The following MECOM variants were observed in gnomAD, a reference collection of about 807,000 sequenced individuals.
MECOM encodes histone-lysine N-methyltransferase MECOM.
A neutral mutation model predicts 116.3 loss-of-function variants in MECOM; 13 were observed. The ratio of observed to expected loss-of-function variants is 0.11; its 90% CI spans 0.07 to 0.18. The LOEUF is 0.18. Among genes scored for constraint, MECOM ranks in the 10% least tolerant of loss-of-function variants. The pLI is 1.00. For missense variants in MECOM, 1,299 were observed against 1,509.0 expected (o/e 0.86, Z 2.31); for synonymous variants, 528 against 535.2 (o/e 0.99, Z 0.19).
At chr3:169,252,579 T>C (rs979225829) in intron 2 of MECOM, among the ~76,000 whole-genome samples, 23 of 151,928 alleles carry the variant, frequency 1.5e-4, no homozygotes, top group African/African-American at 4.1e-4. Flanking sequence ...ATGTGACATC[T>C]ATTGAATTAA....
chr3:169,450,543 C>T (rs1452681631), intron 1 of MECOM, among the ~76,000 whole-genome samples: 1 of 151,454 alleles, frequency 6.6e-6, no homozygotes, highest in Non-Finnish European at 1.5e-5. Flanking sequence ...CTTTTCCACT[C>T]CCTCTAGACA....
chr3:169,361,319 T>A (rs1728269381), intron 2 of MECOM, among the ~76,000 whole-genome samples: 1 of 151,848 alleles, frequency 6.6e-6, no homozygotes, highest in African/African-American at 2.4e-5. Context: ...TTAGGTCTAG[T>A]GAAGGCCACT....
In MECOM at chr3:169,089,049, T is replaced by C. The variant is rs1316161714; in HGVS notation, c.3536A>G (p.His1179Arg). 3 of 1,607,678 alleles carry C rather than the reference T, an allele frequency of 1.9e-6. No individual in the cohort carries two copies. Among genetic ancestry groups the C allele is most frequent in the Admixed American group, 1.7e-5 (1 of 58,612 alleles). The change falls in exon 16 of 17, where the codon CAT (histidine) becomes CGT (arginine). Residue 1179 changes from histidine (H) to arginine (R), a missense_variant. His to Arg is a conservative substitution (Grantham distance 29). Coordinates refer to ENST00000651503, the MANE Select transcript of MECOM (RefSeq NM_004991.4). Reference protein sequence around the residue: ...EAELSSFSTSHVPEELKQPLH... With the variant: ...EAELSSFSTSRVPEELKQPLH... The stretch of plus-strand genomic sequence containing the variant: ...CGGCTGCTTAAGTTCCTCTGGCACA[T>C]GGGAAGTACTAAAAGAAGACAGCTC...
rs553455764 is a variant in MECOM, at chr3:169,606,464, A to C, written c.37+56872T>G. 3.2e-4 allele frequency among the ~76,000 whole-genome samples: 49 copies of C among 152,262 alleles called. 1 individual carries two copies. The highest frequency in any genetic ancestry group is 1.2e-3 in the African/African-American group (48 of 41,556). ...GAAATTAAATGATACCCAGTGTTTT[A>C]AATGATAAACGTGTTGGTGTGCTTC... On this transcript the variant is annotated intron_variant, in intron 1 of 16. Coordinates refer to ENST00000651503, the MANE Select transcript of MECOM (RefSeq NM_004991.4).
intron 1 of MECOM, among the ~76,000 whole-genome samples, chr3:169,537,023 G>T (rs1272669030): frequency 6.6e-6 from 1 of 152,120 alleles, no homozygotes; most frequent in African/African-American, 2.4e-5. Context: ...TTCTAATCCA[G>T]ATCTTTGTAA....
intron 1 of MECOM, among the ~76,000 whole-genome samples, chr3:169,475,184 AG>A (rs1051068609): frequency 6.6e-6 from 1 of 152,238 alleles, no homozygotes; most frequent in Non-Finnish European, 1.5e-5. Flanking sequence ...ATAATTCTAT[AG>A]GGGAAAAAAG....
intron 1 of MECOM, among the ~76,000 whole-genome samples, chr3:169,405,779 A>G (rs1736603147): frequency 6.6e-6 from 1 of 152,230 alleles, no homozygotes; most frequent in African/African-American, 2.4e-5. Flanking sequence ...CTCAGTATCT[A>G]TTCACATGCA....
chr3:169,261,711 AAGAAGGAGAAGG>A (rs370712756), intron 2 of MECOM, among the ~76,000 whole-genome samples: 10 of 150,536 alleles, frequency 6.6e-5, no homozygotes, highest in Non-Finnish European at 1.0e-4. Context: ...CAAGAAGAAG[AAGAAGGAGAAGG>A]AGAAGGAGAA....
intron 2 of MECOM, among the ~76,000 whole-genome samples, chr3:169,218,352 G>T (rs1295152397): frequency 6.6e-6 from 1 of 152,308 alleles, no homozygotes; most frequent in Admixed American, 6.5e-5. Context: ...AAATCTGGAG[G>T]AAGGATGACA....
At chr3:169,140,251 T>G (rs1311471132) in intron 3 of MECOM, among the ~76,000 whole-genome samples, 2 of 152,044 alleles carry the variant, frequency 1.3e-5, no homozygotes, top group Non-Finnish European at 2.9e-5. Flanking sequence ...TCTGTCTCAG[T>G]AAAAATTTCC....
chr3:169,536,890 C>T (rs1485916540), intron 1 of MECOM, among the ~76,000 whole-genome samples: 1 of 152,134 alleles, frequency 6.6e-6, no homozygotes, highest in Non-Finnish European at 1.5e-5. Context: ...TCTCACAATC[C>T]TAAAAGTAAG....
intron 1 of MECOM, among the ~76,000 whole-genome samples, chr3:169,546,062 C>A (rs886402421): frequency 2.0e-5 from 3 of 152,144 alleles, no homozygotes; most frequent in Admixed American, 6.5e-5. Context: ...AGCTATTATT[C>A]TTTAATGTAT....
At chr3:169,462,400 G>A (rs1704953305) in intron 1 of MECOM, among the ~76,000 whole-genome samples, 1 of 152,182 alleles carries the variant, frequency 6.6e-6, no homozygotes, top group African/African-American at 2.4e-5. Flanking sequence ...TTGCCAGCAG[G>A]CAGGAGAGAA....
chr3:169,395,434 G>T (rs909817530), intron 1 of MECOM, among the ~76,000 whole-genome samples: 1 of 152,074 alleles, frequency 6.6e-6, no homozygotes, highest in African/African-American at 2.4e-5. Context: ...CTGCTTAAAG[G>T]TACGGTAAAA....
Position 169,655,058 on chromosome 3 carries a change from A to G in MECOM, c.37+8278T>C, listed in dbSNP as rs76927346. The stretch of plus-strand genomic sequence containing the variant: ...ATTGAATCAACATTTCATAAAGTAG[A>G]GAAAACTTACATAAAAACCCAGATT... On this transcript the variant is annotated intron_variant, in intron 1 of 16. Coordinates refer to ENST00000651503, the MANE Select transcript of MECOM (RefSeq NM_004991.4). Among the ~76,000 whole-genome samples the G allele has an allele frequency of 7.2e-3, 1,091 of 152,246 alleles. 35 individuals are homozygous for G. The East Asian group carries it at 0.089, about 12-fold the overall frequency.
intron 9 of MECOM, among the ~76,000 whole-genome samples, chr3:169,111,685 G>C (rs1392491570): frequency 1.3e-5 from 2 of 151,972 alleles, no homozygotes; most frequent in Non-Finnish European, 2.9e-5. Context: ...TTTTGAAAGG[G>C]AGTGAGAGTT....
intron 1 of MECOM, among the ~76,000 whole-genome samples, chr3:169,634,738 G>A (rs1176198288): frequency 6.6e-6 from 1 of 151,824 alleles, no homozygotes; most frequent in Non-Finnish European, 1.5e-5. Context: ...TGTTCATTTG[G>A]GAGCACTTAA....
At chr3:169,151,893 C>A (rs1741221950) in intron 2 of MECOM, among the ~76,000 whole-genome samples, 1 of 152,184 alleles carries the variant, frequency 6.6e-6, no homozygotes, top group South Asian at 2.1e-4. Flanking sequence ...CTACCACCCA[C>A]AATTTCTTTT....
At position 169,311,654 on chromosome 3, in the gene MECOM, G is replaced by GA. The variant is rs1346466316; in HGVS notation, c.375+69532dup. On this transcript the variant is annotated intron_variant, in intron 2 of 16. Coordinates refer to ENST00000651503, the MANE Select transcript of MECOM (RefSeq NM_004991.4). ...TTTTGATCAAGTCAAAAGCCTTAAA[G>GA]AAAAAAAGTGTTTCTTTTACATTTT... is the stretch of plus-strand genomic sequence containing the variant. Among the ~76,000 whole-genome samples, 19 of 150,680 alleles carry GA rather than the reference G, an allele frequency of 1.3e-4. 1 individual carries two copies. Among genetic ancestry groups the GA allele is most frequent in the African/African-American group, 4.1e-4 (17 of 41,110 alleles).
Sources: gnomAD v4.1 joint callset for allele counts (sites outside exome capture counted in the v4.1 genomes callset) on GRCh38, gnomAD v4.1.1 for gene constraint, MANE v1.5 for transcripts, NCBI Gene and HGNC (gene_info 2026-07-23, HGNC 2026-07-21) for gene names.